The following SHISA9 variants were observed in gnomAD, a reference collection of about 807,000 sequenced individuals.
SHISA9 encodes the protein shisa family member 9.
Under a neutral mutation model 38.0 loss-of-function variants are expected in SHISA9, and 13 were observed. That is an observed-to-expected ratio of 0.34 (90% CI 0.22 to 0.54). The LOEUF (loss-of-function observed/expected upper bound fraction) is 0.54, where lower values mean the gene tolerates loss of function less well. SHISA9 is among the 20% of genes least tolerant of loss of function. The pLI is 0.91. For synonymous variants in SHISA9, 275 were observed against 242.0 expected (o/e 1.14, Z -1.27); for missense variants, 538 against 575.8 (o/e 0.93, Z 0.67).
chr16:13,033,131 G>A (rs1332825173), intron 2 of SHISA9, among the ~76,000 whole-genome samples: 3 of 152,106 alleles, frequency 2.0e-5, no homozygotes, highest in Non-Finnish European at 4.4e-5. Context: ...AGTCACATCT[G>A]CCTAAATCCT....
chr16:13,090,403 G>A (rs568980593), intron 2 of SHISA9, among the ~76,000 whole-genome samples: 1 of 152,280 alleles, frequency 6.6e-6, no homozygotes, highest in Admixed American at 6.5e-5. Flanking sequence ...ACAGTGGGGT[G>A]TTAAAGTCTC....
intron 2 of SHISA9, among the ~76,000 whole-genome samples, chr16:12,976,418 C>T (rs1456298344): frequency 6.6e-6 from 1 of 152,064 alleles, no homozygotes; most frequent in Non-Finnish European, 1.5e-5. Context: ...ATGGGTGTGG[C>T]TCTTTGGATT....
At chr16:13,205,928 A>AT (rs79183056) in intron 3 of SHISA9, among the ~76,000 whole-genome samples, 30,681 of 139,830 alleles carry the variant, frequency 0.22, 3,585 homozygotes, top group East Asian at 0.35. Context: ...TGCCTGGCTA[A>AT]TTTTTTTTTT....
At chr16:13,217,322 C>G (rs1030847533) in intron 4 of SHISA9, among the ~76,000 whole-genome samples, 2 of 151,840 alleles carry the variant, frequency 1.3e-5, no homozygotes, top group African/African-American at 4.8e-5. Flanking sequence ...TAAAATCCAC[C>G]CTGGAAGACA....
chr16:13,003,880 T>TAAGAAGAAGAAG (rs200236620), intron 2 of SHISA9, among the ~76,000 whole-genome samples: 5 of 146,870 alleles, frequency 3.4e-5, no homozygotes, highest in African/African-American at 1.0e-4. Context: ...ATAATAATAA[T>TAAGAAGAAGAAG]AATAATAATA....
At chr16:13,367,710 G>GCGCA in the SHISA9 span, among the ~76,000 whole-genome samples, 1 of 90,518 alleles carries the variant, frequency 1.1e-5, no homozygotes, top group South Asian at 4.5e-4. Flanking sequence ...GCGCGCGCGC[G>GCGCA]CGCACACACA....
chr16:13,498,692 G>A, the SHISA9 span, among the ~76,000 whole-genome samples: 1 of 152,162 alleles, frequency 6.6e-6, no homozygotes, highest in African/African-American at 2.4e-5. Flanking sequence ...GGGAGGTGGA[G>A]GTTGCAGTGA....
At chr16:13,523,844 T>A in the SHISA9 span, among the ~76,000 whole-genome samples, 83 of 152,358 alleles carry the variant, frequency 5.4e-4, no homozygotes, top group African/African-American at 2.0e-3. Context: ...AAATAGTAAT[T>A]AAAAGTAGCA....
At position 12,916,011 on chromosome 16, in the gene SHISA9, G is replaced by GGTTTT. The variant is rs774277866; in HGVS notation, c.564-677_564-676insGTTTT. ...GTTTTTTTTTTGTGTGTGTGTGTGT[G>GGTTTT]TTTTTTTTTTTTTTTTTTTGCTAAG... On this transcript the variant is annotated intron_variant, in intron 1 of 4. Transcript: ENST00000558583. Among the ~76,000 whole-genome samples, 34 of 90,442 alleles carry GGTTTT rather than the reference G, an allele frequency of 3.8e-4. 2 individuals are homozygous for GGTTTT. The highest frequency in any genetic ancestry group is 1.9e-3 in the South Asian group (4 of 2,156). The allele number at this position is 90,442 out of a possible 152,430, so 59.3% of individuals were successfully genotyped here.
intron 2 of SHISA9, among the ~76,000 whole-genome samples, chr16:13,136,217 T>A (rs1398654502): frequency 6.6e-6 from 1 of 152,004 alleles, no homozygotes; most frequent in Non-Finnish European, 1.5e-5. Flanking sequence ...AGTGGGCAAG[T>A]CACTTAACTT....
the SHISA9 span, among the ~76,000 whole-genome samples, chr16:13,444,198 C>G: frequency 1.3e-5 from 2 of 152,146 alleles, no homozygotes; most frequent in African/African-American, 4.8e-5. Context: ...TAGACAGACC[C>G]TGTCTTTACA....
intron 2 of SHISA9, among the ~76,000 whole-genome samples, chr16:13,000,524 G>T (rs1051442331): frequency 6.6e-6 from 1 of 152,190 alleles, no homozygotes; most frequent in Non-Finnish European, 1.5e-5. Context: ...GGCTACTGCA[G>T]ATTGGGAGGA....
chr16:13,342,391 G>A, the SHISA9 span, among the ~76,000 whole-genome samples: 2 of 152,000 alleles, frequency 1.3e-5, no homozygotes, highest in Non-Finnish European at 2.9e-5. Context: ...GGGTTCAAGC[G>A]ATCCTCCTGC....
chr16:12,985,249 AT>A (rs1567172862), intron 2 of SHISA9, among the ~76,000 whole-genome samples: 3 of 138,566 alleles, frequency 2.2e-5, no homozygotes, highest in Non-Finnish European at 4.6e-5. Context: ...AAGTAAATAA[AT>A]AAATAAATAA....
At chr16:13,194,081 C>G (rs2050913652) in intron 2 of SHISA9, among the ~76,000 whole-genome samples, 4 of 152,154 alleles carry the variant, frequency 2.6e-5, no homozygotes, top group South Asian at 2.1e-4. Flanking sequence ...CTCTCTCTTT[C>G]TTTTCCTTCT....
intron 2 of SHISA9, among the ~76,000 whole-genome samples, chr16:12,920,570 A>G (rs1473570641): frequency 6.6e-6 from 1 of 152,120 alleles, no homozygotes; most frequent in Non-Finnish European, 1.5e-5. Context: ...TGATGTGCTT[A>G]TTTCACATTG....
intron 2 of SHISA9, among the ~76,000 whole-genome samples, chr16:13,084,661 A>G (rs1209635294): frequency 1.3e-5 from 2 of 152,226 alleles, no homozygotes; most frequent in Admixed American, 6.5e-5. Flanking sequence ...GGTACGTGCT[A>G]TGAAGAGGTT....
chr16:13,537,086 A>G, the SHISA9 span, among the ~76,000 whole-genome samples: 2 of 152,206 alleles, frequency 1.3e-5, no homozygotes, highest in Non-Finnish European at 2.9e-5. Context: ...AATCCTGGAA[A>G]ACATACATGC....
the SHISA9 span, among the ~76,000 whole-genome samples, chr16:13,469,932 G>C: frequency 6.6e-6 from 1 of 152,168 alleles, no homozygotes; most frequent in African/African-American, 2.4e-5. Context: ...TTTCCAGGAA[G>C]TGTTTGGCCA....
Sources: allele counts gnomAD v4.1 joint callset (sites outside exome capture counted in the v4.1 genomes callset), GRCh38; gene constraint gnomAD v4.1.1; transcripts MANE v1.5; gene names NCBI Gene and HGNC (gene_info 2026-07-23, HGNC 2026-07-21).